Variants in KDM1B observed in about 807,000 individuals in gnomAD.
KDM1B encodes lysine-specific histone demethylase 2.
A neutral mutation model predicts 107.4 loss-of-function variants in KDM1B; 63 were observed. The ratio of observed to expected loss-of-function variants is 0.59; its 90% CI spans 0.48 to 0.72. The LOEUF is 0.72. Among genes scored for constraint, KDM1B ranks in the 30% least tolerant of loss-of-function variants. The pLI is 0.00. For synonymous variants in KDM1B, 363 were observed against 363.9 expected, an observed-to-expected ratio of 1.00 and a Z score of 0.03; for missense variants, 749 against 1,020.8, an observed-to-expected ratio of 0.73 and a Z score of 3.63.
intron 6 of KDM1B, among the ~76,000 whole-genome samples, chr6:18,167,271 C>A (rs1227599926): frequency 6.6e-6 from 1 of 151,364 alleles, no homozygotes; most frequent in Non-Finnish European, 1.5e-5. Context: ...GCAGGAGAAT[C>A]GCTTGAACCC....
chr6:18,161,525 G>A, intron 4 of KDM1B, 71 bp downstream of exon 4: 2 of 1,537,500 alleles, frequency 1.3e-6, no homozygotes, highest in East Asian at 2.3e-5. Context: ...CATCATCCTT[G>A]TAGATAGTTT....
At position 18,204,256 on chromosome 6, in the gene KDM1B, G is replaced by T. The variant is rs912038336; in HGVS notation, c.1532-1281G>T. Among the ~76,000 whole-genome samples, 4 of 152,098 alleles carry T rather than the reference G, an allele frequency of 2.6e-5. No homozygotes were observed. The highest frequency in any genetic ancestry group is 4.4e-5 in the Non-Finnish European group (3 of 68,016). On this transcript the variant is annotated intron_variant, in intron 14 of 21. Coordinates refer to ENST00000650836, the MANE Select transcript of KDM1B (RefSeq NM_001364614.2). This position sits in a 1 kb window ranked among gnomAD's most constrained non-coding sequence, Gnocchi z 4.9. ...TCCCAGCACTTCGGGAGGCTGAGGT[G>T]GGTAGATTTCTTGAGCTCAGGAGTT... is the stretch of plus-strand genomic sequence containing the variant.
At position 18,213,591 on chromosome 6, in the gene KDM1B, T is replaced by C. The variant is rs1789015144; in HGVS notation, c.1984-65T>C. On this transcript the variant is annotated intron_variant, in intron 18 of 21. Coordinates refer to ENST00000650836, the MANE Select transcript of KDM1B (RefSeq NM_001364614.2). The surrounding 1 kb of genome is among the most constrained non-coding windows in gnomAD (Gnocchi z 5.9). Reference sequence around the variant, plus strand: ...TTAGAGTAGAGCTACAGGTTGCTGCTTAGATATTGCCTGTGGTTTTGTGAC... The same window carrying C: ...TTAGAGTAGAGCTACAGGTTGCTGCCTAGATATTGCCTGTGGTTTTGTGAC... The C allele has an allele frequency of 6.3e-7, 1 of 1,581,036 alleles. No individual in the cohort carries two copies. The highest frequency in any genetic ancestry group is 2.2e-5 in the East Asian group (1 of 44,576).
chr6:18,182,562 G>A (rs555534983), intron 7 of KDM1B, among the ~76,000 whole-genome samples: 3 of 150,500 alleles, frequency 2.0e-5, no homozygotes, highest in Admixed American at 1.3e-4. Context: ...TTTTTGAGAC[G>A]GAGTCTTGCT....
In KDM1B at chr6:18,222,012, T is replaced by C; in HGVS notation, c.*20T>C. 1 of 1,610,460 alleles carries C rather than the reference T, an allele frequency of 6.2e-7. No individual in the cohort carries two copies. The highest frequency in any genetic ancestry group is 1.1e-5 in the South Asian group (1 of 91,012). The stretch of plus-strand genomic sequence containing the variant: ...TTTTAAGAATTCGGTGGACCCAGCT[T>C]TCTTCTGTACCCCAGATGGGGAAAT... On this transcript the variant is annotated 3_prime_UTR_variant, in exon 22 of 22. Transcript: ENST00000650836.
In KDM1B at chr6:18,171,486, TC is replaced by T. The variant is rs1410903344; in HGVS notation, c.534+8del. On this transcript the variant is annotated splice_region_variant and intron_variant, in intron 7 of 21. Coordinates refer to ENST00000650836, the MANE Select transcript of KDM1B (RefSeq NM_001364614.2). ...ACCAAATACTGCTATTAAGGTATGT[TC>T]TCTTTTTGCTTTTGAGTTAATTGAT... 2.1e-6 allele frequency: 3 copies of T among 1,463,170 alleles called. No homozygotes were observed. The African/African-American group carries it at 4.2e-5, about 20-fold the overall frequency. The allele number at this position is 1,463,170 out of a possible 1,614,324, so 90.6% of individuals were successfully genotyped here. A position where few individuals can be genotyped will look rare whatever the true frequency, so the allele number is the denominator to read the frequency against.
At chr6:18,166,508 T>G (rs920626149) in intron 6 of KDM1B, 130 bp downstream of exon 6, 4 of 596,414 alleles carry the variant, frequency 6.7e-6, no homozygotes, top group Non-Finnish European at 1.2e-5. Flanking sequence ...AAGCAAATAT[T>G]TTTTATTTTT....
intron 16 of KDM1B, 138 bp from the exon 17 acceptor site, chr6:18,207,994 A>G (rs1788504805): frequency 2.9e-6 from 2 of 697,150 alleles, no homozygotes; most frequent in Admixed American, 2.5e-5. Context: ...AGCTATAACA[A>G]TTGTTTAGAT....
At chr6:18,195,460 A>C (rs977261495) in intron 10 of KDM1B, among the ~76,000 whole-genome samples, 1 of 152,184 alleles carries the variant, frequency 6.6e-6, no homozygotes, top group African/African-American at 2.4e-5. Context: ...GTGGCCGGGC[A>C]CGGTGGCTCA....
chr6:18,188,056 G>A, intron 9 of KDM1B, 54 bp downstream of exon 9: 1 of 1,470,516 alleles, frequency 6.8e-7, no homozygotes, highest in South Asian at 1.2e-5. Flanking sequence ...CCCTCCCTGA[G>A]GAACGTGTGA....
chr6:18,212,755 C>G lies in KDM1B; in HGVS notation c.1983+151C>G. ...TTTGAGTAATTGTTCGTGAAGAACA[C>G]AGAAGAATATTATCAAAACGAAAGG... On this transcript the variant is annotated intron_variant, in intron 18 of 21. Coordinates refer to ENST00000650836, the MANE Select transcript of KDM1B (RefSeq NM_001364614.2). The surrounding 1 kb of genome is among the most constrained non-coding windows in gnomAD (Gnocchi z 5.2). 1.5e-6 allele frequency: 1 copy of G among 658,958 alleles called. No individual in the cohort carries two copies. Among genetic ancestry groups the G allele is most frequent in the Non-Finnish European group, 2.7e-6 (1 of 369,904 alleles). The allele number at this position is 658,958 out of a possible 1,614,324, so 40.8% of individuals were successfully genotyped here. A position where few individuals can be genotyped will look rare whatever the true frequency, so the allele number is the denominator to read the frequency against.
rs1787750302 is a variant in KDM1B at position 18,197,888 on chromosome 6, T to A, written c.1221+227T>A. ...ATAATTTTAGACTCTAATGAGCAAG[T>A]CAGAAGAAATTCTAACTTGGCATTA... On this transcript the variant is annotated intron_variant, in intron 12 of 21. Coordinates refer to ENST00000650836, the MANE Select transcript of KDM1B (RefSeq NM_001364614.2). The surrounding 1 kb of genome is among the most constrained non-coding windows in gnomAD (Gnocchi z 4.5). Among the ~76,000 whole-genome samples, 1 of 151,712 alleles carries A rather than the reference T, an allele frequency of 6.6e-6. No homozygotes were observed. The highest frequency in any genetic ancestry group is 1.5e-5 in the Non-Finnish European group (1 of 67,962).
intron 7 of KDM1B, among the ~76,000 whole-genome samples, chr6:18,175,519 G>A (rs1162551585): frequency 6.6e-6 from 1 of 152,014 alleles, no homozygotes; most frequent in African/African-American, 2.4e-5. Context: ...ATTGTATTTG[G>A]ATTTGGGTTC....
At chr6:18,168,013 G>C (rs953466820) in intron 6 of KDM1B, among the ~76,000 whole-genome samples, 3 of 152,116 alleles carry the variant, frequency 2.0e-5, no homozygotes, top group Admixed American at 1.3e-4. Context: ...TCCCACTTCA[G>C]CCTCTCAAAG....
At chr6:18,188,879 G>T (rs988997718) in intron 9 of KDM1B, among the ~76,000 whole-genome samples, 1 of 151,990 alleles carries the variant, frequency 6.6e-6, no homozygotes, top group Middle Eastern at 3.4e-3. Context: ...CTCCTCCCAG[G>T]TTCAAGCGAT....
chr6:18,163,657 A>G (rs1177145284), intron 5 of KDM1B, among the ~76,000 whole-genome samples: 1 of 152,162 alleles, frequency 6.6e-6, no homozygotes, highest in East Asian at 1.9e-4. Flanking sequence ...TTAAATTTCC[A>G]TTGAGTTTTC....
chr6:18,167,847 C>A (rs149682588), intron 6 of KDM1B, among the ~76,000 whole-genome samples: 2 of 152,164 alleles, frequency 1.3e-5, no homozygotes, highest in African/African-American at 4.8e-5. Flanking sequence ...ACTGCAGCCT[C>A]GGTCTCCCAG....
At chr6:18,193,791 G>C (rs926508087) in intron 10 of KDM1B, among the ~76,000 whole-genome samples, 1 of 152,062 alleles carries the variant, frequency 6.6e-6, no homozygotes, top group Non-Finnish European at 1.5e-5. Context: ...CCTGACACTG[G>C]GTGGAGGTGG....
rs1788621859 is a variant in KDM1B, at chr6:18,208,945, T to C, written c.1866+739T>C. Among the ~76,000 whole-genome samples the C allele has an allele frequency of 1.3e-5, 2 of 151,898 alleles. 1 individual carries two copies. The highest frequency in any genetic ancestry group is 4.1e-4 in the South Asian group (2 of 4,826). On this transcript the variant is annotated intron_variant, in intron 17 of 21. Coordinates refer to ENST00000650836, the MANE Select transcript of KDM1B (RefSeq NM_001364614.2). ...CTGGGGTAACAGGCGTGAGCCACTG[T>C]GCTCCGCCCAAATAGAAGTATATTA...
Sources: gnomAD v4.1 joint callset for allele counts (sites outside exome capture counted in the v4.1 genomes callset) on GRCh38, gnomAD v4.1.1 for gene constraint, Gnocchi (gnomAD v3.1) non-coding constraint, MANE v1.5 for transcripts, NCBI Gene and HGNC (gene_info 2026-07-23, HGNC 2026-07-21) for gene names.